NUP210L: variants seen among roughly 807,000 people sequenced by gnomAD.
NUP210L encodes the protein nuclear pore membrane glycoprotein 210-like.
Under a neutral mutation model 208.5 loss-of-function variants are expected in NUP210L, and 74 were observed. The ratio of observed to expected loss-of-function variants is 0.35; its 90% confidence interval spans 0.29 to 0.43. NUP210L has a LOEUF of 0.43. Ranked by LOEUF, NUP210L falls within the 20% of genes least tolerant of loss-of-function variation. NUP210L has a pLI of 1.00. For synonymous variants in NUP210L, 780 were observed against 816.9 expected (o/e 0.95, Z 0.77); for missense variants, 1,843 against 2,289.4 (o/e 0.81, Z 3.98).
intron 13 of NUP210L, among the ~76,000 whole-genome samples, chr1:154,101,025 A>T (rs151001525): frequency 0.011 from 1,698 of 151,758 alleles, 39 homozygotes; most frequent in African/African-American, 0.039. Context: ...ATTCAAAATT[A>T]GCCAGGTGTG....
At chr1:154,048,624 C>A (rs1435528293) in intron 25 of NUP210L, among the ~76,000 whole-genome samples, 1 of 152,178 alleles carries the variant, frequency 6.6e-6, no homozygotes. Flanking sequence ...ACTCCCTCAC[C>A]CCTGTACAAT....
intron 12 of NUP210L, among the ~76,000 whole-genome samples, chr1:154,108,468 T>TCAACAACACATTTTTTTTAAA (rs1557982146): frequency 7.2e-5 from 11 of 151,840 alleles, no homozygotes; most frequent in African/African-American, 2.7e-4. Flanking sequence ...GCAACCAGCC[T>TCAACAACACATTTTTTTTAAA]AGAGTTTTGA....
chr1:154,064,450 C>T (rs940066376), intron 17 of NUP210L, among the ~76,000 whole-genome samples: 10 of 152,142 alleles, frequency 6.6e-5, no homozygotes, highest in Non-Finnish European at 1.3e-4. Flanking sequence ...CCTTCTTAAG[C>T]TCATTCTTGC....
At chr1:154,116,142 C>T (rs1297921018) in intron 12 of NUP210L, among the ~76,000 whole-genome samples, 1 of 151,550 alleles carries the variant, frequency 6.6e-6, no homozygotes, top group Non-Finnish European at 1.5e-5. Context: ...GTAGTCCCAG[C>T]TACTCGGGAG....
At chr1:154,024,683 C>T (rs897563541) in intron 30 of NUP210L, among the ~76,000 whole-genome samples, 5 of 132,794 alleles carry the variant, frequency 3.8e-5, no homozygotes, top group African/African-American at 8.6e-5. Flanking sequence ...CCACCAAGCC[C>T]GGCTATTTTT....
chr1:154,099,424 C>T (rs985714101), intron 14 of NUP210L, among the ~76,000 whole-genome samples: 3 of 152,230 alleles, frequency 2.0e-5, no homozygotes, highest in East Asian at 1.9e-4. Context: ...CTGCAGCTGG[C>T]GTGATGGCAG....
chr1:154,139,915 T>C (rs994667361), exon 5 of NUP210L: 3 of 1,610,752 alleles, frequency 1.9e-6, no homozygotes, highest in Admixed American at 1.7e-5. Flanking sequence ...GCTATATATA[T>C]TGGGGGAGCA....
chr1:154,145,895 C>A (rs898523347), intron 2 of NUP210L, among the ~76,000 whole-genome samples: 1 of 152,160 alleles, frequency 6.6e-6, no homozygotes, highest in Non-Finnish European at 1.5e-5. Context: ...AACAAGCACA[C>A]TGGCACCCAG....
At chr1:154,073,189 G>A (rs1654845831) in intron 16 of NUP210L, among the ~76,000 whole-genome samples, 1 of 152,114 alleles carries the variant, frequency 6.6e-6, no homozygotes, top group Non-Finnish European at 1.5e-5. Flanking sequence ...CATCACTAAT[G>A]ATCAGGGAAA....
At position 154,015,057 on chromosome 1, in the gene NUP210L, A is replaced by G. The variant is rs78458429; in HGVS notation, c.4654-2687T>C. 1.1e-3 allele frequency among the ~76,000 whole-genome samples: 160 copies of G among 152,064 alleles called. 3 individuals carry two copies. In the East Asian group the frequency reaches 0.027, roughly 26 times the overall value. ...TTGGGAAAATACTTTTTTTTCTTCA[A>G]CTTTTATTTTAAGTTCCAGGGTACA... On this transcript the variant is annotated intron_variant, in intron 33 of 39. Coordinates refer to ENST00000368559, the Ensembl canonical transcript of NUP210L.
At chr1:154,124,481 A>G (rs1402640377) in intron 10 of NUP210L, among the ~76,000 whole-genome samples, 2 of 152,196 alleles carry the variant, frequency 1.3e-5, no homozygotes, top group African/African-American at 4.8e-5. Context: ...CCTTTACTCA[A>G]TAACTCCATT....
chr1:154,006,946 G>GTGTGTA (rs767785200), intron 35 of NUP210L, among the ~76,000 whole-genome samples: 8 of 95,428 alleles, frequency 8.4e-5, no homozygotes, highest in East Asian at 6.1e-4. Context: ...GTGTGTGTGT[G>GTGTGTA]TATATATATA....
At chr1:153,994,928 C>A in intron 38 of NUP210L, 148 bp downstream of exon 38, 2 of 526,480 alleles carry the variant, frequency 3.8e-6, no homozygotes, top group African/African-American at 2.0e-5. Context: ...AGGAGAATTG[C>A]TTGAACTCGG....
intron 16 of NUP210L, chr1:154,078,929 G>T (rs1433832738): frequency 6.6e-6 from 1 of 152,106 alleles, no homozygotes; most frequent in Non-Finnish European, 1.5e-5. Flanking sequence ...CATTGCTCAG[G>T]CTTTTCTTAT....
chr1:154,134,405 T>C (rs193169483), intron 7 of NUP210L, among the ~76,000 whole-genome samples: 42 of 150,366 alleles, frequency 2.8e-4, no homozygotes, highest in African/African-American at 9.2e-4. Context: ...TCATTGACTA[T>C]TACAGATCTC....
intron 12 of NUP210L, among the ~76,000 whole-genome samples, chr1:154,117,163 A>T (rs988768391): frequency 2.0e-5 from 3 of 152,220 alleles, no homozygotes. Context: ...ACATTTTTCA[A>T]TAATTCTGAT....
chr1:154,095,388 T>C (rs1656131288), intron 14 of NUP210L, among the ~76,000 whole-genome samples: 1 of 152,224 alleles, frequency 6.6e-6, no homozygotes, highest in Non-Finnish European at 1.5e-5. Context: ...TGTCCAGTCA[T>C]TCTAGACCAC....
intron 16 of NUP210L, among the ~76,000 whole-genome samples, chr1:154,080,876 A>G (rs1220248848): frequency 6.6e-6 from 1 of 151,552 alleles, no homozygotes; most frequent in Non-Finnish European, 1.5e-5. Flanking sequence ...CAGGAGGGTG[A>G]GACAGGAGAA....
At chr1:154,051,550 G>T (rs1290950383) in intron 25 of NUP210L, among the ~76,000 whole-genome samples, 1 of 152,070 alleles carries the variant, frequency 6.6e-6, no homozygotes, top group Non-Finnish European at 1.5e-5. Flanking sequence ...AATGTCTCTG[G>T]TCACAAAGCG....
Sources: gnomAD v4.1 joint callset for allele counts (sites outside exome capture counted in the v4.1 genomes callset) on GRCh38, gnomAD v4.1.1 for gene constraint, MANE v1.5 for transcripts, NCBI Gene and HGNC (gene_info 2026-07-23, HGNC 2026-07-21) for gene names.